Variants in ATP11B observed in about 807,000 individuals in gnomAD.
ATP11B encodes ATPase phospholipid transporting 11B (putative).
Under a neutral mutation model 157.8 loss-of-function variants are expected in ATP11B, and 81 were observed. The observed-to-expected ratio is 0.51, with a 90% CI of 0.43 to 0.62. The LOEUF is 0.62. Ranked by LOEUF, ATP11B falls within the 20% of genes least tolerant of loss-of-function variation. The pLI is 0.00. For missense variants in ATP11B, 1,165 were observed against 1,402.2 expected, an observed-to-expected ratio of 0.83 and a Z score of 2.70; for synonymous variants, 451 against 469.4, an observed-to-expected ratio of 0.96 and a Z score of 0.51.
At chr3:182,806,938 G>A (rs1716363831) in intron 1 of ATP11B, among the ~76,000 whole-genome samples, 1 of 151,984 alleles carries the variant, frequency 6.6e-6, no homozygotes, top group Non-Finnish European at 1.5e-5. Flanking sequence ...TATCCTATAG[G>A]AGTTGAACTT....
At chr3:182,904,706 G>A (rs1459202729) in intron 28 of ATP11B, among the ~76,000 whole-genome samples, 8 of 151,996 alleles carry the variant, frequency 5.3e-5, no homozygotes, top group Admixed American at 5.2e-4. Flanking sequence ...TGGCCAACAT[G>A]GTGAAACCCC....
intron 28 of ATP11B, chr3:182,902,585 A>T: frequency 7.8e-7 from 1 of 1,275,544 alleles, no homozygotes; most frequent in Non-Finnish European, 1.0e-6. Context: ...GGAGGAGTAG[A>T]GCCTCATTAA....
At chr3:182,811,250 A>G (rs948772891) in intron 1 of ATP11B, among the ~76,000 whole-genome samples, 7 of 152,186 alleles carry the variant, frequency 4.6e-5, no homozygotes, top group Admixed American at 6.5e-5. Flanking sequence ...TCTTTCTTCA[A>G]TTTTCCTGGT....
At chr3:182,818,809 G>A (rs1454169602) in intron 1 of ATP11B, among the ~76,000 whole-genome samples, 2 of 150,712 alleles carry the variant, frequency 1.3e-5, no homozygotes, top group African/African-American at 2.4e-5. Context: ...AAATTAGAGC[G>A]TTTACTAATA....
chr3:182,801,584 A>G (rs951592173), intron 1 of ATP11B, among the ~76,000 whole-genome samples: 4 of 152,184 alleles, frequency 2.6e-5, no homozygotes, highest in African/African-American at 7.2e-5. Context: ...TTATCGGCAC[A>G]TGACCAATCT....
chr3:182,825,094 G>A (rs1231780068), intron 2 of ATP11B, among the ~76,000 whole-genome samples: 2 of 152,086 alleles, frequency 1.3e-5, no homozygotes, highest in African/African-American at 4.8e-5. Flanking sequence ...CTTCCAGACT[G>A]CATTGTTTTC....
intron 13 of ATP11B, 123 bp from the exon 14 acceptor site, chr3:182,866,145 A>G (rs879628367): frequency 5.5e-5 from 38 of 690,814 alleles, no homozygotes; most frequent in Non-Finnish European, 7.7e-5. Flanking sequence ...GAAACAACCA[A>G]CTGTTATTCA....
chr3:182,859,803 G>A (rs1471473249), intron 12 of ATP11B, among the ~76,000 whole-genome samples: 3 of 151,844 alleles, frequency 2.0e-5, no homozygotes, highest in Non-Finnish European at 1.5e-5. Context: ...TATATATTTT[G>A]TTTTCCCAAG....
intron 1 of ATP11B, among the ~76,000 whole-genome samples, chr3:182,804,550 ACTCCAGTGT>A (rs1716207084): frequency 6.6e-6 from 1 of 151,612 alleles, no homozygotes; most frequent in Admixed American, 6.6e-5. Flanking sequence ...AGATTTCTTA[ACTCCAGTGT>A]TCTTTCTCAT....
intron 1 of ATP11B, among the ~76,000 whole-genome samples, chr3:182,814,006 GT>G (rs1228320192): frequency 1.5e-4 from 23 of 152,122 alleles, no homozygotes; most frequent in Admixed American, 1.5e-3. Flanking sequence ...GATTACATGT[GT>G]GAGCCACCAC....
intron 28 of ATP11B, 150 bp from the exon 29 acceptor site, chr3:182,913,711 T>C: frequency 7.5e-7 from 1 of 1,326,622 alleles, no homozygotes. Flanking sequence ...TCTAGTAAAT[T>C]AAAGCCTTTC....
At chr3:182,914,320 AT>A (rs1725001909) in intron 29 of ATP11B, 12 of 1,000,018 alleles carry the variant, frequency 1.2e-5, no homozygotes, top group Non-Finnish European at 1.4e-5. Context: ...TCTTTTTTAA[AT>A]TATACATATA....
intron 6 of ATP11B, among the ~76,000 whole-genome samples, 196 bp from the exon 7 acceptor site, chr3:182,836,874 GC>G (rs1051600954): frequency 2.0e-5 from 3 of 152,026 alleles, no homozygotes; most frequent in Non-Finnish European, 4.4e-5. Context: ...TGTGCAAATG[GC>G]CTCTTTAGAC....
chr3:182,842,206 T>A, intron 8 of ATP11B, 84 bp downstream of exon 8: 1 of 950,132 alleles, frequency 1.1e-6, no homozygotes, highest in Non-Finnish European at 1.6e-6. Flanking sequence ...GGAGATTATG[T>A]AAATAAGCAG....
At chr3:182,836,241 A>G (rs1170124093) in intron 5 of ATP11B, 99 bp downstream of exon 5, 5 of 1,565,094 alleles carry the variant, frequency 3.2e-6, no homozygotes, top group East Asian at 2.2e-5. Flanking sequence ...CTACTTTCCT[A>G]TGCTAAAATA....
At chr3:182,822,219 T>C (rs1040318019) in intron 2 of ATP11B, among the ~76,000 whole-genome samples, 2 of 152,132 alleles carry the variant, frequency 1.3e-5, no homozygotes, top group Non-Finnish European at 2.9e-5. Context: ...GCTTCACCCA[T>C]TAACTCGTCA....
At chr3:182,834,484 CAA>C (rs1019354150) in intron 4 of ATP11B, among the ~76,000 whole-genome samples, 2 of 152,148 alleles carry the variant, frequency 1.3e-5, no homozygotes, top group Admixed American at 1.3e-4. Flanking sequence ...GATATCTATG[CAA>C]AGTGTTCACA....
chr3:182,810,531 A>AT (rs1560057463), intron 1 of ATP11B, among the ~76,000 whole-genome samples: 2 of 151,998 alleles, frequency 1.3e-5, no homozygotes, highest in Non-Finnish European at 2.9e-5. Context: ...CATTTCTGAC[A>AT]TATAAAATTA....
At chr3:182,825,478 GGAGGCCAAGGTGGGCGGATCACTT>G (rs1717651772) in intron 2 of ATP11B, among the ~76,000 whole-genome samples, 1 of 152,010 alleles carries the variant, frequency 6.6e-6, no homozygotes, top group Non-Finnish European at 1.5e-5. Context: ...TAGTACTTTG[GGAGGCCAAGGTGGGCGGATCACTT>G]GAGGCCAGGA....
Sources: gnomAD v4.1 joint callset for allele counts (sites outside exome capture counted in the v4.1 genomes callset) on GRCh38, gnomAD v4.1.1 for gene constraint, MANE v1.5 for transcripts, NCBI Gene and HGNC (gene_info 2026-07-23, HGNC 2026-07-21) for gene names.